The following SPTBN4 variants were observed in gnomAD, a reference collection of about 807,000 sequenced individuals.
SPTBN4 encodes the protein spectrin beta, non-erythrocytic 4, also known as spectrin beta chain, non-erythrocytic 4.
A neutral mutation model predicts 277.8 loss-of-function variants in SPTBN4; 96 were observed. The observed-to-expected ratio is 0.35, with a 90% CI of 0.29 to 0.41. The LOEUF is 0.41. SPTBN4 is among the 10% of genes least tolerant of loss of function. The pLI, the probability that SPTBN4 is intolerant of heterozygous loss-of-function variation, is 1.00. For synonymous variants in SPTBN4, 1,481 were observed against 1,580.3 expected (o/e 0.94, Z 1.49); for missense variants, 3,006 against 3,595.7 (o/e 0.84, Z 4.19).
chr19:40,469,100 G>GAA (rs112252424), intron 1 of SPTBN4, among the ~76,000 whole-genome samples: 9 of 143,210 alleles, frequency 6.3e-5, no homozygotes, highest in East Asian at 2.0e-4. Context: ...CCTTGTCTCA[G>GAA]AAAAAAAAAA....
intron 2 of SPTBN4, among the ~76,000 whole-genome samples, chr19:40,476,734 C>G (rs987223623): frequency 6.6e-6 from 1 of 151,978 alleles, no homozygotes; most frequent in Non-Finnish European, 1.5e-5. Context: ...ACTACAGGCG[C>G]CTGCCACCAT....
Position 40,515,612 on chromosome 19 carries a change from G to A in SPTBN4, c.2903+164G>A, listed in dbSNP as rs948718768. ...CATAATCCCTGATACTGGTGATGAC[G>A]TGGTAAAATTAAAACAACATTTCAG... On this transcript the variant is annotated intron_variant, in intron 15 of 35. Transcript: ENST00000598249. The surrounding 1 kb of genome is among the most constrained non-coding windows in gnomAD (Gnocchi z 4.1). Among the ~76,000 whole-genome samples the A allele has an allele frequency of 4.6e-5, 7 of 152,152 alleles. No individual in the cohort carries two copies. The highest frequency in any genetic ancestry group is 1.7e-4 in the African/African-American group (7 of 41,410).
At chr19:40,478,810 G>C (rs896196870) in intron 2 of SPTBN4, among the ~76,000 whole-genome samples, 1 of 152,200 alleles carries the variant, frequency 6.6e-6, no homozygotes, top group Non-Finnish European at 1.5e-5. Context: ...GCCTCTCAAA[G>C]TGCTGGGATT....
Position 40,519,517 on chromosome 19 carries a change from G to C in SPTBN4, c.3020G>C (p.Arg1007Pro), listed in dbSNP as rs770019351. ...AEVRAQVREK[R>P]RAVESAPRAG... is the part of the protein sequence containing the mutation. ...GTGCGCGCCCAGGTGCGTGAGAAGC[G>C]GAGAGCTGTGGAGAGCGCGCCCCGG... Residue 1007 changes from arginine (R) to proline (P), a missense_variant, in exon 16 of 36, where the codon CGG (arginine) becomes CCG (proline). By Grantham distance (103) the Arg-to-Pro change is moderately radical. This residue lies in a region of SPTBN4 where 1,759 missense variants were observed against 2,061.5 expected (regional missense o/e 0.85). Transcript: ENST00000598249. The surrounding 1 kb of genome is among the most constrained non-coding windows in gnomAD (Gnocchi z 5.7). 3.1e-6 allele frequency: 5 copies of C among 1,599,330 alleles called. No homozygotes were observed. Among genetic ancestry groups the C allele is most frequent in the Non-Finnish European group, 4.3e-6 (5 of 1,174,844 alleles).
At chr19:40,522,386 T>C (rs954594415) in intron 16 of SPTBN4, among the ~76,000 whole-genome samples, 1 of 144,630 alleles carries the variant, frequency 6.9e-6, no homozygotes, top group African/African-American at 2.6e-5. Context: ...GGTCTTGCTC[T>C]GTCACCCAGG....
Position 40,472,683 on chromosome 19 carries a change from C to T in SPTBN4, c.62C>T (p.Pro21Leu), listed in dbSNP as rs765751602. ...MEGLPAPNNNPAARWESPDRG... is the reference protein window; with the variant it reads ...MEGLPAPNNNLAARWESPDRG... ...GGCCTGCCTGCTCCTAACAACAACC[C>T]TGCTGCCCGCTGGGAGAGTCCGGAT... Residue 21 changes from proline (P) to leucine (L), a missense_variant, in exon 2 of 36, where the codon CCT becomes CTT. Coordinates refer to ENST00000598249, the MANE Select transcript of SPTBN4 (RefSeq NM_020971.3). The T allele has an allele frequency of 3.7e-6, 6 of 1,613,764 alleles. No homozygotes were observed. In the South Asian group the frequency reaches 6.6e-5, roughly 18 times the overall value.
At position 40,519,588 on chromosome 19, in the gene SPTBN4, C is replaced by T. The variant is rs779982052; in HGVS notation, c.3091C>T (p.Leu1031=). Residue 1031 remains leucine, a synonymous_variant, in exon 16 of 36, where the codon CTG becomes TTG. Coordinates refer to ENST00000598249, the MANE Select transcript of SPTBN4 (RefSeq NM_020971.3). The surrounding 1 kb of genome is among the most constrained non-coding windows in gnomAD (Gnocchi z 5.7). ...QWRLSGLEAA[L]QALEPRQAAL... ...GCGTCTTAGCGGCCTAGAGGCCGCTCTGCAGGCGCTGGAGCCGCGCCAGGC... is the reference window on the plus strand; with the variant it reads ...GCGTCTTAGCGGCCTAGAGGCCGCTTTGCAGGCGCTGGAGCCGCGCCAGGC... 33 of 1,480,404 alleles carry T rather than the reference C, an allele frequency of 2.2e-5. No individual in the cohort carries two copies. The highest frequency in any genetic ancestry group is 2.9e-5 in the Non-Finnish European group (33 of 1,125,428). 91.7% of individuals were successfully genotyped at this position (1,480,404 alleles called of 1,614,324 possible). A position where few individuals can be genotyped will look rare whatever the true frequency, so the allele number is the denominator to read the frequency against.
Position 40,570,611 on chromosome 19 carries a change from C to T in SPTBN4, c.7202C>T (p.Ala2401Val), listed in dbSNP as rs772763068. 3 of 1,416,476 alleles carry T rather than the reference C, an allele frequency of 2.1e-6. No homozygotes were observed. The highest frequency in any genetic ancestry group is 6.8e-5 in the Admixed American group (2 of 29,344). 87.7% of individuals were successfully genotyped at this position (1,416,476 alleles called of 1,614,324 possible). The change falls in exon 33 of 36, where the codon GCC becomes GTC. Residue 2401 changes from alanine to valine, a missense_variant. Ala to Val is a moderately conservative substitution (Grantham distance 64). This residue lies in a region of SPTBN4 where 630 missense variants were observed against 677.6 expected (regional missense o/e 0.93). Transcript: ENST00000598249. The stretch of plus-strand genomic sequence containing the variant: ...GGGGGAAGCCGGCGCTCGCGCTCCG[C>T]CCCGGCCCAGGGCGGCTCCGCCCCC... The part of the protein sequence containing the change: ...EGGGSRRSRS[A>V]PAQGGSAPAP...
rs540446829 is a variant in SPTBN4 at position 40,539,688 on chromosome 19, C to G, written c.4359+5345C>G. ...AGAGACGGGGTTTCACCATGTTGGC[C>G]AGGCTGGTCTCAAACTCCTGACCTC... is the stretch of plus-strand genomic sequence containing the variant. On this transcript the variant is annotated intron_variant, in intron 20 of 35. Coordinates refer to ENST00000598249, the MANE Select transcript of SPTBN4 (RefSeq NM_020971.3). Among the ~76,000 whole-genome samples, 35 of 151,890 alleles carry G rather than the reference C, an allele frequency of 2.3e-4. 1 individual carries two copies. The South Asian group carries it at 7.1e-3, about 31-fold the overall frequency.
chr19:40,470,337 G>T (rs774471690), intron 1 of SPTBN4, among the ~76,000 whole-genome samples: 1 of 150,690 alleles, frequency 6.6e-6, no homozygotes, highest in African/African-American at 2.4e-5. Context: ...ATGGTGTCTC[G>T]CCCTGTTGCC....
Position 40,554,131 on chromosome 19 carries a change from T to C in SPTBN4, c.4675-16T>C. 1 of 1,430,802 alleles carries C rather than the reference T, an allele frequency of 7.0e-7. No homozygotes were observed. 88.6% of individuals were successfully genotyped at this position (1,430,802 alleles called of 1,614,324 possible). A position where few individuals can be genotyped will look rare whatever the true frequency, so the allele number is the denominator to read the frequency against. Reference sequence around the variant, plus strand: ...CGCCCCCTCTCCACCCACATCCCCTTACCTCCTGCCCCCAGGGCCTGCGGC... The same window carrying C: ...CGCCCCCTCTCCACCCACATCCCCTCACCTCCTGCCCCCAGGGCCTGCGGC... On this transcript the variant is annotated splice_polypyrimidine_tract_variant and intron_variant, in intron 22 of 35. Transcript: ENST00000598249. The surrounding 1 kb of genome is among the most constrained non-coding windows in gnomAD (Gnocchi z 5.7).
intron 20 of SPTBN4, among the ~76,000 whole-genome samples, chr19:40,540,379 C>A (rs948161798): frequency 6.6e-6 from 1 of 151,838 alleles, no homozygotes; most frequent in Non-Finnish European, 1.5e-5. Context: ...GGGGCATTTA[C>A]CCCTCTCCAT....
At chr19:40,498,668 T>G (rs2080229779) in intron 7 of SPTBN4, among the ~76,000 whole-genome samples, 1 of 151,656 alleles carries the variant, frequency 6.6e-6, no homozygotes, top group Non-Finnish European at 1.5e-5. Flanking sequence ...CCTCCCAAAG[T>G]GCTGGGATTA....
Position 40,502,967 on chromosome 19 carries a change from G to A in SPTBN4, c.1362+34G>A, listed in dbSNP as rs760976338. On this transcript the variant is annotated intron_variant, in intron 11 of 35. Coordinates refer to ENST00000598249, the MANE Select transcript of SPTBN4 (RefSeq NM_020971.3). The surrounding 1 kb of genome is among the most constrained non-coding windows in gnomAD (Gnocchi z 4.9). ...TGTAGGGCTTGGCTCCAGGGTAAAG[G>A]GACGGAGGGCGGGGCTGATGGTCCT... is the stretch of plus-strand genomic sequence containing the variant. 6.9e-6 allele frequency: 11 copies of A among 1,605,284 alleles called. No individual in the cohort carries two copies. In the Admixed American group the frequency reaches 1.4e-4, roughly 20 times the overall value.
chr19:40,524,119 C>T (rs1390099793), intron 17 of SPTBN4, among the ~76,000 whole-genome samples: 5 of 152,014 alleles, frequency 3.3e-5, no homozygotes, highest in Admixed American at 3.3e-4. Context: ...GAAAAGGTAA[C>T]CTGAGGCTGT....
chr19:40,526,812 T>A (rs2145887868), intron 17 of SPTBN4, among the ~76,000 whole-genome samples: 1 of 151,156 alleles, frequency 6.6e-6, no homozygotes, highest in Middle Eastern at 3.5e-3. Context: ...GGTTTCAAAC[T>A]CCTGGGCTCA....
chr19:40,525,707 A>G (rs1324102524), intron 17 of SPTBN4, among the ~76,000 whole-genome samples: 3 of 152,226 alleles, frequency 2.0e-5, no homozygotes, highest in African/African-American at 7.2e-5. Context: ...AGAAATGACC[A>G]GGACAGAACA....
chr19:40,570,828 C>T, intron 33 of SPTBN4, 100 bp downstream of exon 33: 1 of 1,323,736 alleles, frequency 7.6e-7, no homozygotes, highest in Non-Finnish European at 1.0e-6. Flanking sequence ...CAACTTCAGG[C>T]CCTCCAGCAG....
chr19:40,507,248 G>A (rs1419012530), intron 13 of SPTBN4, among the ~76,000 whole-genome samples: 2 of 151,938 alleles, frequency 1.3e-5, no homozygotes, highest in African/African-American at 4.8e-5. Flanking sequence ...CTGGGAAGTC[G>A]AGGCTGCAGT....
Sources: allele counts gnomAD v4.1 joint callset (sites outside exome capture counted in the v4.1 genomes callset), GRCh38; gene constraint gnomAD v4.1.1; regional missense constraint gnomAD v4.1.1; non-coding constraint Gnocchi (gnomAD v3.1); transcripts MANE v1.5; gene names NCBI Gene and HGNC (gene_info 2026-07-23, HGNC 2026-07-21).